Variants in CNTNAP5 observed in about 807,000 individuals in gnomAD.
The protein encoded by CNTNAP5 is contactin associated protein family member 5.
A neutral mutation model predicts 150.2 loss-of-function variants in CNTNAP5; 72 were observed. The observed-to-expected ratio is 0.48, with a 90% CI of 0.40 to 0.58. CNTNAP5 has a LOEUF of 0.58. Among genes scored for constraint, CNTNAP5 ranks in the 20% least tolerant of loss-of-function variants. CNTNAP5 has a pLI of 0.00. For synonymous variants in CNTNAP5, 672 were observed against 619.8 expected (o/e 1.08, Z -1.25); for missense variants, 1,636 against 1,626.2 (o/e 1.01, Z -0.10).
intron 3 of CNTNAP5, among the ~76,000 whole-genome samples, chr2:124,261,635 T>G (rs1235073619): frequency 6.6e-6 from 1 of 152,164 alleles, no homozygotes; most frequent in African/African-American, 2.4e-5. Flanking sequence ...CAGGAGATGT[T>G]CCACCTGCCT....
intron 6 of CNTNAP5, among the ~76,000 whole-genome samples, chr2:124,460,025 T>A (rs1693210662): frequency 6.6e-6 from 1 of 152,204 alleles, no homozygotes; most frequent in Admixed American, 6.5e-5. Context: ...TATGAAAGTG[T>A]AATGCACTCA....
At chr2:124,865,775 CTCTACT>C in intron 20 of CNTNAP5, among the ~76,000 whole-genome samples, 1 of 152,076 alleles carries the variant, frequency 6.6e-6, no homozygotes, top group African/African-American at 2.4e-5. Context: ...GAAACCCCAT[CTCTACT>C]AAAAATACAA....
intron 3 of CNTNAP5, among the ~76,000 whole-genome samples, chr2:124,318,147 T>C (rs1037308178): frequency 1.3e-5 from 2 of 152,128 alleles, no homozygotes; most frequent in Non-Finnish European, 2.9e-5. Flanking sequence ...CACCAGTGGG[T>C]CCTGGTTCAG....
At chr2:124,811,217 T>A (rs1181465597) in intron 19 of CNTNAP5, among the ~76,000 whole-genome samples, 4 of 152,014 alleles carry the variant, frequency 2.6e-5, no homozygotes, top group African/African-American at 9.7e-5. Flanking sequence ...GGGCAAAAGA[T>A]TATATCTAAA....
chr2:124,284,465 A>G (rs1348304767), intron 3 of CNTNAP5, among the ~76,000 whole-genome samples: 1 of 151,970 alleles, frequency 6.6e-6, no homozygotes, highest in Admixed American at 6.6e-5. Context: ...TCTCAGGAGG[A>G]TGGGGGAAGG....
intron 4 of CNTNAP5, among the ~76,000 whole-genome samples, chr2:124,428,173 C>T (rs563196572): frequency 7.7e-4 from 117 of 152,214 alleles, no homozygotes; most frequent in Non-Finnish European, 1.2e-3. Flanking sequence ...TTCTATTCTC[C>T]TATTCCCACC....
At chr2:124,748,394 A>G (rs749893640) in intron 14 of CNTNAP5, among the ~76,000 whole-genome samples, 4 of 152,120 alleles carry the variant, frequency 2.6e-5, no homozygotes, top group African/African-American at 4.8e-5. Flanking sequence ...TTCCATGCCC[A>G]TTACATTTAC....
At chr2:124,145,836 A>AAAAAC (rs772749783) in intron 1 of CNTNAP5, among the ~76,000 whole-genome samples, 1 of 75,804 alleles carries the variant, frequency 1.3e-5, no homozygotes, top group African/African-American at 4.8e-5. Flanking sequence ...AAAGAAGAAA[A>AAAAAC]AAAAAAAAAA....
At chr2:124,478,061 T>C (rs900463329) in intron 7 of CNTNAP5, among the ~76,000 whole-genome samples, 1 of 152,034 alleles carries the variant, frequency 6.6e-6, no homozygotes, top group Non-Finnish European at 1.5e-5. Context: ...ATACATATTA[T>C]GTGTTAAAAA....
intron 3 of CNTNAP5, among the ~76,000 whole-genome samples, chr2:124,266,349 T>A (rs1687606698): frequency 6.6e-6 from 1 of 152,086 alleles, no homozygotes; most frequent in Admixed American, 6.6e-5. Flanking sequence ...TTAAACTGAG[T>A]GGATGAAATC....
chr2:124,576,566 A>C, intron 11 of CNTNAP5, among the ~76,000 whole-genome samples: 1 of 152,206 alleles, frequency 6.6e-6, no homozygotes, highest in African/African-American at 2.4e-5. Flanking sequence ...ATCTAATGAC[A>C]TCACTGGGGG....
intron 6 of CNTNAP5, among the ~76,000 whole-genome samples, chr2:124,453,330 C>G (rs1452514490): frequency 6.6e-6 from 1 of 151,666 alleles, no homozygotes; most frequent in Non-Finnish European, 1.5e-5. Context: ...CCAACAAAGG[C>G]AAAGAAAATA....
chr2:124,037,963 C>G (rs1335258826), intron 1 of CNTNAP5, among the ~76,000 whole-genome samples: 1 of 152,138 alleles, frequency 6.6e-6, no homozygotes, highest in East Asian at 1.9e-4. Context: ...ATTCCTGACA[C>G]TAAGATAATA....
chr2:124,728,381 C>G (rs909852473), intron 13 of CNTNAP5, among the ~76,000 whole-genome samples: 1 of 151,878 alleles, frequency 6.6e-6, no homozygotes, highest in African/African-American at 2.4e-5. Context: ...TTAAATATTG[C>G]TTAGAATTCA....
At chr2:124,694,227 A>G (rs970872704) in intron 13 of CNTNAP5, among the ~76,000 whole-genome samples, 1 of 152,198 alleles carries the variant, frequency 6.6e-6, no homozygotes, top group Non-Finnish European at 1.5e-5. Flanking sequence ...TATTTAAAAA[A>G]ATAGTTTTGT....
intron 1 of CNTNAP5, among the ~76,000 whole-genome samples, chr2:124,078,858 A>G (rs1324583703): frequency 2.0e-5 from 3 of 152,208 alleles, no homozygotes; most frequent in Non-Finnish European, 4.4e-5. Flanking sequence ...GGCCGAGCAG[A>G]TTCTGAAGGC....
Position 124,221,731 on chromosome 2 carries a change from C to T in CNTNAP5, c.109C>T (p.Leu37=), listed in dbSNP as rs750084392. 6.2e-7 allele frequency: 1 copy of T among 1,611,440 alleles called. No homozygotes were observed. Among genetic ancestry groups the T allele is most frequent in the Non-Finnish European group, 8.5e-7 (1 of 1,178,500 alleles). The change falls in exon 2 of 24, where the codon CTG becomes TTG. Residue 37 remains leucine (L), a synonymous_variant. Coordinates refer to ENST00000682447, the MANE Select transcript of CNTNAP5 (RefSeq NM_001367498.1). Reference sequence around the variant, plus strand: ...CAACTGTGATGATCCACTAGCATCCCTGCTCTCTCCAATGGCTTTTTCCAG... The same window carrying T: ...CAACTGTGATGATCCACTAGCATCCTTGCTCTCTCCAATGGCTTTTTCCAG... ...NYNCDDPLAS[L]LSPMAFSSSS...
intron 11 of CNTNAP5, among the ~76,000 whole-genome samples, chr2:124,569,955 G>A (rs1403849809): frequency 7.9e-5 from 12 of 152,178 alleles, no homozygotes; most frequent in Admixed American, 7.2e-4. Flanking sequence ...CTATTTAGGT[G>A]AGAAAACATG....
At chr2:124,251,775 A>T (rs891888602) in intron 3 of CNTNAP5, among the ~76,000 whole-genome samples, 2 of 152,152 alleles carry the variant, frequency 1.3e-5, no homozygotes, top group African/African-American at 4.8e-5. Flanking sequence ...TTTCTCCCAG[A>T]AAATATTTTG....
Sources: allele counts gnomAD v4.1 joint callset (sites outside exome capture counted in the v4.1 genomes callset), GRCh38; gene constraint gnomAD v4.1.1; transcripts MANE v1.5; gene names NCBI Gene and HGNC (gene_info 2026-07-23, HGNC 2026-07-21).